Variants in MORC1 observed in about 807,000 individuals in gnomAD.
MORC1 encodes the protein MORC family CW-type zinc finger 1.
Under a neutral mutation model 134.9 loss-of-function variants are expected in MORC1, and 59 were observed. The ratio of observed to expected loss-of-function variants is 0.44; its 90% CI spans 0.35 to 0.54. The LOEUF (loss-of-function observed/expected upper bound fraction) is 0.54, where lower values mean the gene tolerates loss of function less well. Ranked by LOEUF, MORC1 falls within the 20% of genes least tolerant of loss-of-function variation. The pLI is 0.00. For synonymous variants in MORC1, 395 were observed against 391.7 expected (o/e 1.01, Z -0.10); for missense variants, 947 against 1,134.5 (o/e 0.83, Z 2.37).
intron 12 of MORC1, among the ~76,000 whole-genome samples, chr3:109,058,697 C>T (rs1244901941): frequency 1.3e-5 from 2 of 151,948 alleles, no homozygotes; most frequent in African/African-American, 4.8e-5. Context: ...AAAATCACTA[C>T]TCAGTAATGA....
intron 3 of MORC1, among the ~76,000 whole-genome samples, chr3:109,108,839 G>T (rs1248847411): frequency 6.6e-6 from 1 of 151,192 alleles, no homozygotes; most frequent in Non-Finnish European, 1.5e-5. Context: ...GGCAGAGCTT[G>T]CAGTGAGCCG....
chr3:109,108,204 G>C (rs1186211744), intron 3 of MORC1, among the ~76,000 whole-genome samples: 1 of 151,992 alleles, frequency 6.6e-6, no homozygotes, highest in African/African-American at 2.4e-5. Flanking sequence ...AAAAGGAGAA[G>C]TGCCACTTTA....
rs537353615 is a variant in MORC1 at position 109,105,596 on chromosome 3, T to C, written c.155-1679A>G. Among the ~76,000 whole-genome samples, 8 of 151,858 alleles carry C rather than the reference T, an allele frequency of 5.3e-5. No individual in the cohort carries two copies. In the South Asian group the frequency reaches 1.7e-3, roughly 32 times the overall value. On this transcript the variant is annotated intron_variant, in intron 3 of 27. Coordinates refer to ENST00000232603, the MANE Select transcript of MORC1 (RefSeq NM_014429.4). Reference sequence around the variant, plus strand: ...TGGGAGGCTGGAACAGGAGGATCACTTGAGCCTAGGACTTCAAGTTTGCAG... The same window carrying C: ...TGGGAGGCTGGAACAGGAGGATCACCTGAGCCTAGGACTTCAAGTTTGCAG...
rs183976002 is a variant in MORC1, at chr3:109,065,306, A to G, written c.816-2075T>C. 3.3e-5 allele frequency among the ~76,000 whole-genome samples: 5 copies of G among 152,154 alleles called. No individual in the cohort carries two copies. In the East Asian group the frequency reaches 9.7e-4, roughly 29 times the overall value. On this transcript the variant is annotated intron_variant, in intron 9 of 27. Transcript: ENST00000232603. ...CTTCAGGCCTTACCTGATCTGCCCA[A>G]TCTACTTCGATCTGTTTTCTGTGTT...
intron 17 of MORC1, among the ~76,000 whole-genome samples, chr3:109,020,075 C>T (rs1948919181): frequency 6.6e-6 from 1 of 152,186 alleles, no homozygotes; most frequent in East Asian, 1.9e-4. Context: ...ATGGCGCTGT[C>T]CTAACTTCAT....
intron 6 of MORC1, among the ~76,000 whole-genome samples, chr3:109,096,511 C>T (rs1440060572): frequency 6.6e-6 from 1 of 152,152 alleles, no homozygotes; most frequent in East Asian, 1.9e-4. Context: ...TGACAGTTTA[C>T]AAGTGCCATG....
intron 14 of MORC1, among the ~76,000 whole-genome samples, chr3:109,041,096 G>A (rs1389779189): frequency 6.6e-6 from 1 of 151,786 alleles, no homozygotes; most frequent in African/African-American, 2.4e-5. Flanking sequence ...TGGATCACAA[G>A]GTCCAGAGAT....
intron 1 of MORC1, among the ~76,000 whole-genome samples, chr3:109,116,057 A>T (rs1278265852): frequency 1.3e-5 from 2 of 152,202 alleles, no homozygotes; most frequent in African/African-American, 4.8e-5. Context: ...GAGACCAGTG[A>T]GCTCCGCTTA....
chr3:109,053,242 C>T (rs1336818473), intron 14 of MORC1, among the ~76,000 whole-genome samples: 2 of 152,056 alleles, frequency 1.3e-5, no homozygotes, highest in African/African-American at 4.8e-5. Flanking sequence ...ATTTCAACTA[C>T]CATTCAACCC....
At chr3:108,985,086 C>G (rs192681521) in intron 22 of MORC1, among the ~76,000 whole-genome samples, 105 of 152,276 alleles carry the variant, frequency 6.9e-4, no homozygotes, top group Admixed American at 2.2e-3. Context: ...TGATTCCCTG[C>G]TTTCACCAGC....
intron 5 of MORC1, 141 bp from the exon 6 acceptor site, chr3:109,099,607 A>T (rs574430505): frequency 1.3e-4 from 63 of 470,226 alleles, no homozygotes; most frequent in Middle Eastern, 6.1e-4. Context: ...AGAGGGTACA[A>T]TTTTTTTTTT....
At chr3:109,050,827 G>C (rs569451002) in intron 14 of MORC1, among the ~76,000 whole-genome samples, 1 of 152,106 alleles carries the variant, frequency 6.6e-6, no homozygotes, top group South Asian at 2.1e-4. Flanking sequence ...GTCTTAAAAC[G>C]GCAGTGAGAG....
intron 6 of MORC1, among the ~76,000 whole-genome samples, chr3:109,095,348 T>A (rs1485632402): frequency 6.6e-6 from 1 of 152,160 alleles, no homozygotes; most frequent in Non-Finnish European, 1.5e-5. Flanking sequence ...AGAATCAGCA[T>A]TTTAAAAGTT....
chr3:109,058,298 T>C (rs1442667781), intron 12 of MORC1, among the ~76,000 whole-genome samples: 1 of 152,184 alleles, frequency 6.6e-6, no homozygotes, highest in Non-Finnish European at 1.5e-5. Context: ...AATACCTACC[T>C]AGCCACTTGT....
chr3:108,970,358 G>C (rs943221445), intron 25 of MORC1, among the ~76,000 whole-genome samples: 6 of 152,198 alleles, frequency 3.9e-5, no homozygotes, highest in Non-Finnish European at 7.3e-5. Flanking sequence ...TCAAGAAGGT[G>C]AAAGTGGTCA....
chr3:109,073,636 C>A (rs933317525), intron 8 of MORC1, among the ~76,000 whole-genome samples: 1 of 152,200 alleles, frequency 6.6e-6, no homozygotes, highest in Non-Finnish European at 1.5e-5. Flanking sequence ...CTCTAAACTG[C>A]AGACTACATT....
chr3:109,106,454 T>C (rs1488286579), intron 3 of MORC1, among the ~76,000 whole-genome samples: 3 of 152,210 alleles, frequency 2.0e-5, no homozygotes, highest in Non-Finnish European at 4.4e-5. Flanking sequence ...CTCTGAAACC[T>C]GGCCTTGTTT....
chr3:109,062,679 T>A (rs372396748), intron 10 of MORC1, among the ~76,000 whole-genome samples: 1 of 152,232 alleles, frequency 6.6e-6, no homozygotes. Context: ...CTTGAGAACA[T>A]CCTTCTTAAA....
chr3:109,039,144 G>C (rs765201662), intron 14 of MORC1, among the ~76,000 whole-genome samples: 1 of 152,128 alleles, frequency 6.6e-6, no homozygotes, highest in Non-Finnish European at 1.5e-5. Flanking sequence ...TTGAACTCCT[G>C]ACCTGAAGTG....
Sources: allele counts gnomAD v4.1 joint callset (sites outside exome capture counted in the v4.1 genomes callset), GRCh38; gene constraint gnomAD v4.1.1; transcripts MANE v1.5; gene names NCBI Gene and HGNC (gene_info 2026-07-23, HGNC 2026-07-21).